Variants in VTA1 observed in about 807,000 individuals in gnomAD.
The protein encoded by VTA1 is vesicle trafficking 1, also known as vacuolar protein sorting-associated protein VTA1 homolog.
In VTA1, 24 loss-of-function variants were observed where a neutral mutation model predicts 36.9. The ratio of observed to expected loss-of-function variants is 0.65; its 90% CI spans 0.47 to 0.91. VTA1 has a LOEUF of 0.91. Among genes scored for constraint, VTA1 ranks in the 40% least tolerant of loss-of-function variants. VTA1 has a pLI of 0.00. For synonymous variants in VTA1, 142 were observed against 130.2 expected, an observed-to-expected ratio of 1.09 and a Z score of -0.62; for missense variants, 393 against 377.2, an observed-to-expected ratio of 1.04 and a Z score of -0.35.
At chr6:142,162,027 G>A (rs1006983276) in intron 1 of VTA1, among the ~76,000 whole-genome samples, 1 of 152,106 alleles carries the variant, frequency 6.6e-6, no homozygotes, top group Non-Finnish European at 1.5e-5. Flanking sequence ...TAATGTCCTT[G>A]TAATTGCAAA....
chr6:142,208,660 A>G (rs567383524), intron 7 of VTA1, among the ~76,000 whole-genome samples: 2 of 152,346 alleles, frequency 1.3e-5, no homozygotes, highest in East Asian at 1.9e-4. Context: ...GCCAAGGACA[A>G]AGAGAAAGTC....
In VTA1 at chr6:142,159,575, G is replaced by A. The variant is rs1391557793; in HGVS notation, c.113-6653G>A. Among the ~76,000 whole-genome samples the A allele has an allele frequency of 2.7e-5, 4 of 149,984 alleles. No individual in the cohort carries two copies. The East Asian group carries it at 7.9e-4, about 30-fold the overall frequency. On this transcript the variant is annotated intron_variant, in intron 1 of 7. Transcript: ENST00000367630. ...TGTTGCCAGGCTGGAATGCAGTGAT[G>A]CAATCTCAGCTCACTGCAACTTCTG...
intron 7 of VTA1, among the ~76,000 whole-genome samples, chr6:142,212,463 G>A (rs1468288055): frequency 1.3e-5 from 2 of 152,040 alleles, no homozygotes; most frequent in African/African-American, 4.8e-5. Flanking sequence ...TTCCGAAAAA[G>A]GCAAACTATA....
rs148815625 is a variant in VTA1, at chr6:142,147,287, G to A, written c.-1G>A. On this transcript the variant is annotated 5_prime_UTR_variant, in exon 1 of 8. Coordinates refer to ENST00000367630, the MANE Select transcript of VTA1 (RefSeq NM_016485.5). ...TAGGAAGTGGTGAGTTCGGAGTAGA[G>A]ATGGCCGCGCTTGCACCGCTGCCCC... 9.3e-5 allele frequency: 150 copies of A among 1,614,168 alleles called. No individual in the cohort carries two copies. In the African/African-American group the frequency reaches 1.8e-3, roughly 20 times the overall value.
chr6:142,178,076 C>T (rs1308917921), intron 4 of VTA1, among the ~76,000 whole-genome samples: 5 of 152,048 alleles, frequency 3.3e-5, no homozygotes, highest in African/African-American at 1.2e-4. Context: ...GCTACAGATT[C>T]AAGAAGCACA....
Position 142,215,651 on chromosome 6 carries a change from G to T in VTA1, c.779-2847G>T, listed in dbSNP as rs560435534. On this transcript the variant is annotated intron_variant, in intron 7 of 7. Transcript: ENST00000367630. ...AAAGGATAATAGAGTATACCAGAATGAGATTATCCAAGGCCTTTGACATAA... is the reference window on the plus strand; with the variant it reads ...AAAGGATAATAGAGTATACCAGAATTAGATTATCCAAGGCCTTTGACATAA... Among the ~76,000 whole-genome samples, 4 of 152,236 alleles carry T rather than the reference G, an allele frequency of 2.6e-5. No individual in the cohort carries two copies. The East Asian group carries it at 7.7e-4, about 29-fold the overall frequency.
At chr6:142,210,274 G>A (rs186148540) in intron 7 of VTA1, among the ~76,000 whole-genome samples, 1 of 152,246 alleles carries the variant, frequency 6.6e-6, no homozygotes, top group East Asian at 1.9e-4. Context: ...AGTCAAAATG[G>A]ATTAAAGACT....
At chr6:142,203,851 C>A in intron 6 of VTA1, 134 bp from the exon 7 acceptor site, 1 of 672,706 alleles carries the variant, frequency 1.5e-6, no homozygotes, top group Non-Finnish European at 2.6e-6. Context: ...CTAAGTATGT[C>A]AAGTTAGAAT....
chr6:142,185,285 A>G (rs1462838611), intron 4 of VTA1, among the ~76,000 whole-genome samples: 1 of 152,162 alleles, frequency 6.6e-6, no homozygotes, highest in African/African-American at 2.4e-5. Context: ...CTAAGGGTGG[A>G]AATAATGTAT....
chr6:142,193,102 C>T (rs562537591), intron 5 of VTA1, among the ~76,000 whole-genome samples: 2 of 152,220 alleles, frequency 1.3e-5, no homozygotes, highest in East Asian at 3.9e-4. Flanking sequence ...TCTCCTTAAT[C>T]TGGAGTAGCT....
rs754500601 is a variant in VTA1 at position 142,204,113 on chromosome 6, G to A, written c.778+48G>A. The A allele has an allele frequency of 2.6e-5, 41 of 1,561,494 alleles. No homozygotes were observed. The East Asian group carries it at 8.3e-4, about 32-fold the overall frequency. Reference sequence around the variant, plus strand: ...GAGATACATTTATCTCCTGTTTTGGGTTGCTGTTTTGTAATTTTACCTTGA... The same window carrying A: ...GAGATACATTTATCTCCTGTTTTGGATTGCTGTTTTGTAATTTTACCTTGA... On this transcript the variant is annotated intron_variant, in intron 7 of 7. Transcript: ENST00000367630.
intron 4 of VTA1, among the ~76,000 whole-genome samples, chr6:142,184,522 C>T (rs546178542): frequency 2.7e-5 from 4 of 146,938 alleles, no homozygotes; most frequent in Non-Finnish European, 6.1e-5. Flanking sequence ...TAGCATAGTA[C>T]CTGACTTGAG....
intron 7 of VTA1, among the ~76,000 whole-genome samples, chr6:142,204,297 CT>C (rs1199788131): frequency 6.6e-6 from 1 of 152,066 alleles, no homozygotes; most frequent in African/African-American, 2.4e-5. Context: ...TGTTACAGTT[CT>C]TTTTTTCATG....
intron 4 of VTA1, among the ~76,000 whole-genome samples, chr6:142,188,960 C>T (rs1775399344): frequency 6.6e-6 from 1 of 152,120 alleles, no homozygotes; most frequent in Non-Finnish European, 1.5e-5. Context: ...GTTTACCTGC[C>T]TATCAGTCTA....
intron 6 of VTA1, among the ~76,000 whole-genome samples, chr6:142,201,502 C>G (rs568128227): frequency 9.9e-5 from 15 of 152,060 alleles, no homozygotes; most frequent in African/African-American, 3.4e-4. Context: ...GCACAGATAT[C>G]ACATGTAGTT....
At chr6:142,187,168 T>C (rs762206125) in intron 4 of VTA1, among the ~76,000 whole-genome samples, 3 of 152,162 alleles carry the variant, frequency 2.0e-5, no homozygotes, top group Non-Finnish European at 2.9e-5. Flanking sequence ...CGCCCACTAT[T>C]TTGCACTCTG....
chr6:142,206,925 C>G (rs1486218753), intron 7 of VTA1, among the ~76,000 whole-genome samples: 2 of 152,186 alleles, frequency 1.3e-5, no homozygotes, highest in Admixed American at 1.3e-4. Flanking sequence ...AGACCTTCCA[C>G]TCATCTCAAA....
intron 5 of VTA1, among the ~76,000 whole-genome samples, chr6:142,194,148 G>GGA (rs1775502631): frequency 6.6e-6 from 1 of 152,132 alleles, no homozygotes; most frequent in South Asian, 2.1e-4. Context: ...GAGGTACTGT[G>GGA]CCTAGTGGAC....
At chr6:142,168,685 CCTTA>C (rs1774968726) in intron 2 of VTA1, among the ~76,000 whole-genome samples, 1 of 150,484 alleles carries the variant, frequency 6.6e-6, no homozygotes. Flanking sequence ...TCATCTTATA[CCTTA>C]CTTTGAATTA....
Sources: allele counts gnomAD v4.1 joint callset (sites outside exome capture counted in the v4.1 genomes callset), GRCh38; gene constraint gnomAD v4.1.1; transcripts MANE v1.5; gene names NCBI Gene and HGNC (gene_info 2026-07-23, HGNC 2026-07-21).